Variants in RBFOX1 observed in about 807,000 individuals in gnomAD.
RBFOX1 encodes the protein RNA binding fox-1 homolog 1, also known as RNA binding protein fox-1 homolog 1.
Under a neutral mutation model 57.7 loss-of-function variants are expected in RBFOX1, and 8 were observed. The ratio of observed to expected loss-of-function variants is 0.14; its 90% CI spans 0.08 to 0.25. The LOEUF is 0.25. RBFOX1 is among the 10% of genes least tolerant of loss of function. The pLI is 1.00. For synonymous variants in RBFOX1, 326 were observed against 222.4 expected (o/e 1.47, Z -4.15); for missense variants, 611 against 548.5 (o/e 1.11, Z -1.14).
In RBFOX1 at chr16:6,289,973, T is replaced by C. The variant is rs373660133; in HGVS notation, c.-126-27022T>C. ...AAATGTAACAGCTTCACAAGGTGAA[T>C]ATGGAGAAGGGGTAGGAGAAGAGGA... On this transcript the variant is annotated intron_variant, in intron 1 of 15. Coordinates refer to ENST00000550418, the MANE Select transcript of RBFOX1 (RefSeq NM_018723.4). Among the ~76,000 whole-genome samples the C allele has an allele frequency of 2.6e-5, 4 of 152,152 alleles. 1 individual carries two copies. The highest frequency in any genetic ancestry group is 9.6e-5 in the African/African-American group (4 of 41,506).
chr16:5,717,572 G>C (rs2051756482), intron 3 of RBFOX1, among the ~76,000 whole-genome samples: 1 of 151,964 alleles, frequency 6.6e-6, no homozygotes, highest in South Asian at 2.1e-4. Context: ...TCATAGCTTA[G>C]CTCCCACTTA....
At chr16:5,493,535 C>T (rs1227618383) in intron 2 of RBFOX1, among the ~76,000 whole-genome samples, 1 of 152,186 alleles carries the variant, frequency 6.6e-6, no homozygotes, top group Non-Finnish European at 1.5e-5. Context: ...TTGCGAAGTC[C>T]CTGTCCCCAT....
At chr16:6,217,263 A>G (rs2097341937) in intron 1 of RBFOX1, among the ~76,000 whole-genome samples, 1 of 144,460 alleles carries the variant, frequency 6.9e-6, no homozygotes, top group South Asian at 2.2e-4. Context: ...TATATTTGAG[A>G]ACAAAAATGT....
chr16:6,126,971 AG>A (rs1210170697), intron 1 of RBFOX1, among the ~76,000 whole-genome samples: 1 of 152,146 alleles, frequency 6.6e-6, no homozygotes, highest in Non-Finnish European at 1.5e-5. Context: ...AAAAACAAGG[AG>A]GGTTTCATCG....
At chr16:7,571,190 C>T (rs1282743643) in intron 5 of RBFOX1, among the ~76,000 whole-genome samples, 2 of 150,058 alleles carry the variant, frequency 1.3e-5, no homozygotes, top group East Asian at 4.0e-4. Flanking sequence ...CAAACCTGCA[C>T]ATGTACTCCA....
At chr16:6,858,927 A>G (rs928430053) in intron 3 of RBFOX1, among the ~76,000 whole-genome samples, 1 of 151,578 alleles carries the variant, frequency 6.6e-6, no homozygotes, top group African/African-American at 2.4e-5. Flanking sequence ...TGCATTTCTA[A>G]AGGAAGATAT....
chr16:6,943,873 C>T (rs1035839619), intron 3 of RBFOX1, among the ~76,000 whole-genome samples: 1 of 152,132 alleles, frequency 6.6e-6, no homozygotes, highest in Non-Finnish European at 1.5e-5. Flanking sequence ...TACCTCACTG[C>T]TGATTTCTAT....
intron 2 of RBFOX1, among the ~76,000 whole-genome samples, chr16:6,605,724 A>AGGTG: frequency 6.6e-6 from 1 of 152,178 alleles, no homozygotes; most frequent in South Asian, 2.1e-4. Context: ...AGCGAACAGG[A>AGGTG]GAGATTCAGT....
chr16:5,493,959 G>T (rs1036231890), intron 2 of RBFOX1, among the ~76,000 whole-genome samples: 2 of 152,190 alleles, frequency 1.3e-5, no homozygotes, highest in Non-Finnish European at 2.9e-5. Flanking sequence ...AAAAAGGATA[G>T]AAAATAAAGA....
At chr16:5,826,436 C>G (rs536542878) in intron 3 of RBFOX1, among the ~76,000 whole-genome samples, 1 of 152,116 alleles carries the variant, frequency 6.6e-6, no homozygotes, top group Non-Finnish European at 1.5e-5. Flanking sequence ...CAAACTATTT[C>G]TGAAAAAGGC....
At chr16:6,680,615 C>G (rs2058507648) in intron 3 of RBFOX1, among the ~76,000 whole-genome samples, 1 of 152,212 alleles carries the variant, frequency 6.6e-6, no homozygotes, top group South Asian at 2.1e-4. Context: ...GAGTTTTATT[C>G]TAAAATAACA....
intron 3 of RBFOX1, among the ~76,000 whole-genome samples, chr16:6,717,634 T>C (rs2065093950): frequency 6.6e-6 from 1 of 151,878 alleles, no homozygotes; most frequent in African/African-American, 2.4e-5. Context: ...TGTCACATCC[T>C]GGATCGACTC....
chr16:5,322,606 C>G (rs1376050810), intron 1 of RBFOX1, among the ~76,000 whole-genome samples: 4 of 152,172 alleles, frequency 2.6e-5, no homozygotes, highest in African/African-American at 9.7e-5. Flanking sequence ...CCCTTTTGTT[C>G]TCTTAGAGCA....
intron 3 of RBFOX1, among the ~76,000 whole-genome samples, chr16:5,692,999 T>TCCAGATTCCCC (rs2050738031): frequency 6.6e-6 from 1 of 152,212 alleles, no homozygotes; most frequent in African/African-American, 2.4e-5. Flanking sequence ...TCACTATTTT[T>TCCAGATTCCCC]CCAGCTTCCC....
chr16:6,952,508 C>T (rs1415298487), intron 3 of RBFOX1, among the ~76,000 whole-genome samples: 1 of 151,776 alleles, frequency 6.6e-6, no homozygotes, highest in Non-Finnish European at 1.5e-5. Context: ...TGTGGTCATG[C>T]ACACCTGTAG....
intron 4 of RBFOX1, among the ~76,000 whole-genome samples, chr16:7,296,456 G>A (rs1206066535): frequency 6.6e-6 from 1 of 152,032 alleles, no homozygotes; most frequent in East Asian, 1.9e-4. Flanking sequence ...GTCATTGAGG[G>A]CTAGGGGATA....
intron 2 of RBFOX1, among the ~76,000 whole-genome samples, chr16:6,505,354 C>A (rs888190263): frequency 9.2e-5 from 14 of 152,052 alleles, no homozygotes; most frequent in African/African-American, 3.1e-4. Flanking sequence ...AAAATGCACA[C>A]ATTTATGATT....
intron 1 of RBFOX1, among the ~76,000 whole-genome samples, chr16:6,233,471 G>A (rs2152909654): frequency 6.6e-6 from 1 of 152,274 alleles, no homozygotes; most frequent in Admixed American, 6.5e-5. Flanking sequence ...CCCATAGGCA[G>A]CCTTTCAGGG....
At chr16:5,819,403 T>C (rs1312606318) in intron 3 of RBFOX1, among the ~76,000 whole-genome samples, 1 of 152,194 alleles carries the variant, frequency 6.6e-6, no homozygotes, top group Admixed American at 6.5e-5. Flanking sequence ...AGGTTAGCAA[T>C]ATCTTCCTAT....
Sources: allele counts gnomAD v4.1 joint callset (sites outside exome capture counted in the v4.1 genomes callset), GRCh38; gene constraint gnomAD v4.1.1; transcripts MANE v1.5; gene names NCBI Gene and HGNC (gene_info 2026-07-23, HGNC 2026-07-21).